LRRIQ1: variants seen among roughly 807,000 people sequenced by gnomAD.
LRRIQ1 encodes the protein leucine-rich repeat- and IQ domain-containing protein 1.
A neutral mutation model predicts 211.9 loss-of-function variants in LRRIQ1; 210 were observed. The ratio of observed to expected loss-of-function variants is 0.99; its 90% confidence interval spans 0.89 to 1.11. The LOEUF (loss-of-function observed/expected upper bound fraction) is 1.11. Among genes scored for constraint, LRRIQ1 ranks in the 50% most tolerant of loss-of-function variants. LRRIQ1 has a pLI of 0.00. For synonymous variants in LRRIQ1, 699 were observed against 650.1 expected (o/e 1.08, Z -1.14); for missense variants, 2,136 against 1,939.5 (o/e 1.10, Z -1.90).
At chr12:85,141,729 T>G (rs1479700999) in intron 19 of LRRIQ1, among the ~76,000 whole-genome samples, 1 of 151,326 alleles carries the variant, frequency 6.6e-6, no homozygotes, top group Non-Finnish European at 1.5e-5. Flanking sequence ...GGCATTATTT[T>G]TATTAGAGTA....
In LRRIQ1 at chr12:85,125,166, G is replaced by A. The variant is rs572873456; in HGVS notation, c.4007+647G>A. On this transcript the variant is annotated intron_variant, in intron 17 of 26. Coordinates refer to ENST00000393217, the MANE Select transcript of LRRIQ1 (RefSeq NM_001079910.2). ...TGCACTCCAGCCAGGGTGACAGAGC[G>A]AGACTCCATCTCAAAAATAAATAAA... Among the ~76,000 whole-genome samples, 3 of 152,096 alleles carry A rather than the reference G, an allele frequency of 2.0e-5. No homozygotes were observed. The South Asian group carries it at 6.2e-4, about 32-fold the overall frequency.
intron 26 of LRRIQ1, among the ~76,000 whole-genome samples, chr12:85,244,245 AT>A (rs1198487660): frequency 2.6e-5 from 4 of 151,556 alleles, no homozygotes; most frequent in African/African-American, 9.6e-5. Flanking sequence ...TATATTTATA[AT>A]TATCCCAAAA....
At position 85,245,025 on chromosome 12, in the gene LRRIQ1, C is replaced by T; in HGVS notation, c.*84C>T. ...GTAGGATGCCAGCAACCTGAACTGC[C>T]CAAAAATGTGTATTTAAATTTTTTC... On this transcript the variant is annotated 3_prime_UTR_variant, in exon 27 of 27. Transcript: ENST00000393217. 1.4e-6 allele frequency: 2 copies of T among 1,476,268 alleles called. No homozygotes were observed. The highest frequency in any genetic ancestry group is 1.5e-5 in the African/African-American group (1 of 68,722). 91.4% of individuals were successfully genotyped at this position (1,476,268 alleles called of 1,614,324 possible).
At chr12:85,234,757 A>G (rs536773215) in intron 26 of LRRIQ1, among the ~76,000 whole-genome samples, 15 of 152,330 alleles carry the variant, frequency 9.8e-5, no homozygotes, top group African/African-American at 3.6e-4. Flanking sequence ...AAAATGTAGT[A>G]ATAACACCCA....
At chr12:85,057,534 T>G (rs1299695862) in intron 8 of LRRIQ1, among the ~76,000 whole-genome samples, 1 of 152,042 alleles carries the variant, frequency 6.6e-6, no homozygotes, top group Non-Finnish European at 1.5e-5. Context: ...GAAGTTTGCT[T>G]TAGACTTGAG....
chr12:85,054,976 TA>T (rs1332691012), intron 7 of LRRIQ1, among the ~76,000 whole-genome samples: 2 of 152,184 alleles, frequency 1.3e-5, no homozygotes, highest in African/African-American at 2.4e-5. Context: ...AATATTTCAT[TA>T]AATGCAGTAG....
At chr12:85,241,374 A>C (rs1228188492) in intron 26 of LRRIQ1, among the ~76,000 whole-genome samples, 5 of 152,088 alleles carry the variant, frequency 3.3e-5, no homozygotes, top group Non-Finnish European at 5.9e-5. Context: ...GGAGTTTATG[A>C]AAAGATGATG....
chr12:85,112,037 T>A (rs1887214016), intron 15 of LRRIQ1, among the ~76,000 whole-genome samples: 1 of 151,972 alleles, frequency 6.6e-6, no homozygotes, highest in African/African-American at 2.4e-5. Context: ...TTAGCATACA[T>A]TAGATACGAC....
At chr12:85,051,927 A>G (rs1880373568) in intron 6 of LRRIQ1, among the ~76,000 whole-genome samples, 1 of 152,174 alleles carries the variant, frequency 6.6e-6, no homozygotes, top group Admixed American at 6.5e-5. Flanking sequence ...CTGTGAATAA[A>G]CATACTCAAA....
At chr12:85,208,647 T>TA (rs1893681936) in intron 24 of LRRIQ1, among the ~76,000 whole-genome samples, 1 of 151,960 alleles carries the variant, frequency 6.6e-6, no homozygotes, top group Non-Finnish European at 1.5e-5. Context: ...ATTAGAAAAC[T>TA]AAAAAAATAG....
intron 11 of LRRIQ1, among the ~76,000 whole-genome samples, chr12:85,079,673 A>C (rs976927090): frequency 6.6e-6 from 1 of 152,152 alleles, no homozygotes. Context: ...AGTCCTTAGC[A>C]ATTAATTAGT....
chr12:85,236,109 G>A (rs974897593), intron 26 of LRRIQ1, among the ~76,000 whole-genome samples: 1 of 152,102 alleles, frequency 6.6e-6, no homozygotes, highest in Non-Finnish European at 1.5e-5. Context: ...TTTTACAACA[G>A]TGGACAGAAT....
chr12:85,236,628 C>T (rs1226725931), intron 26 of LRRIQ1, among the ~76,000 whole-genome samples: 1 of 151,710 alleles, frequency 6.6e-6, no homozygotes, highest in East Asian at 1.9e-4. Flanking sequence ...GAAGCTGGTA[C>T]AGTCATTCTG....
At chr12:85,125,429 C>G in intron 17 of LRRIQ1, among the ~76,000 whole-genome samples, 1 of 152,102 alleles carries the variant, frequency 6.6e-6, no homozygotes, top group East Asian at 1.9e-4. Flanking sequence ...TTAGGTTTTA[C>G]TTTGGCCTGT....
chr12:85,068,662 G>A (rs1882708957), intron 10 of LRRIQ1, among the ~76,000 whole-genome samples: 1 of 151,666 alleles, frequency 6.6e-6, no homozygotes, highest in Non-Finnish European at 1.5e-5. Context: ...TCAACTGATA[G>A]CACGTAATCA....
chr12:85,251,450 G>C (rs961957909), intron 1 of LRRIQ1, among the ~76,000 whole-genome samples: 2 of 151,870 alleles, frequency 1.3e-5, no homozygotes, highest in African/African-American at 4.8e-5. Context: ...TGCCGATTTA[G>C]GTTTTAAACA....
At chr12:85,203,384 G>A (rs1284745548) in intron 24 of LRRIQ1, among the ~76,000 whole-genome samples, 1 of 152,192 alleles carries the variant, frequency 6.6e-6, no homozygotes, top group African/African-American at 2.4e-5. Context: ...TATCAGTAGA[G>A]TGGGGCATTG....
intron 19 of LRRIQ1, among the ~76,000 whole-genome samples, chr12:85,148,739 T>G (rs1229082985): frequency 6.6e-6 from 1 of 151,982 alleles, no homozygotes; most frequent in African/African-American, 2.4e-5. Flanking sequence ...TCTTCCAGAA[T>G]GGTTGAACTA....
At position 85,118,611 on chromosome 12, in the gene LRRIQ1, G is replaced by A. The variant is rs1008204895; in HGVS notation, c.3378-3086G>A. On this transcript the variant is annotated intron_variant, in intron 15 of 26. Transcript: ENST00000393217. Reference sequence around the variant, plus strand: ...TACTAAGATTATAACTATACACAGAGATACATTATTACTTTGGTTGGCCCT... The same window carrying A: ...TACTAAGATTATAACTATACACAGAAATACATTATTACTTTGGTTGGCCCT... Among the ~76,000 whole-genome samples, 7 of 149,780 alleles carry A rather than the reference G, an allele frequency of 4.7e-5. No individual in the cohort carries two copies. In the Admixed American group the frequency reaches 4.7e-4, roughly 10 times the overall value.
Sources: allele counts gnomAD v4.1 joint callset (sites outside exome capture counted in the v4.1 genomes callset), GRCh38; gene constraint gnomAD v4.1.1; transcripts MANE v1.5; gene names NCBI Gene and HGNC (gene_info 2026-07-23, HGNC 2026-07-21).